RARB: variants seen among roughly 807,000 people sequenced by gnomAD.
The protein encoded by RARB is retinoic acid receptor beta.
Under a neutral mutation model 51.9 loss-of-function variants are expected in RARB, and 17 were observed. The ratio of observed to expected loss-of-function variants is 0.33; its 90% CI spans 0.22 to 0.49. The LOEUF (loss-of-function observed/expected upper bound fraction) is 0.49, where lower values mean the gene tolerates loss of function less well. Among genes scored for constraint, RARB ranks in the 20% least tolerant of loss-of-function variants. The pLI is 0.99. For missense variants in RARB, 369 were observed against 550.8 expected, an observed-to-expected ratio of 0.67 and a Z score of 3.30; for synonymous variants, 215 against 195.4, an observed-to-expected ratio of 1.10 and a Z score of -0.84.
chr3:25,558,274 G>A (rs1377508694), intron 3 of RARB, among the ~76,000 whole-genome samples: 1 of 152,032 alleles, frequency 6.6e-6, no homozygotes, highest in Non-Finnish European at 1.5e-5. Context: ...CATCCTTATT[G>A]CTCTGCTACA....
chr3:25,285,508 A>C (rs1703627757), intron 5 of RARB, among the ~76,000 whole-genome samples: 1 of 152,194 alleles, frequency 6.6e-6, no homozygotes, highest in African/African-American at 2.4e-5. Context: ...CTTTGGCTGC[A>C]GTGTGGAGAA....
At chr3:25,354,865 A>G (rs1268909963) in intron 5 of RARB, among the ~76,000 whole-genome samples, 1 of 144,014 alleles carries the variant, frequency 6.9e-6, no homozygotes, top group Non-Finnish European at 1.5e-5. Context: ...TGAACCACAT[A>G]CATTTGTTTG....
chr3:25,044,837 A>C (rs7618975), intron 2 of RARB, among the ~76,000 whole-genome samples: 60,299 of 152,018 alleles, frequency 0.4, 12,113 homozygotes, highest in South Asian at 0.55. Context: ...GAAGGCCAGT[A>C]CTGGAATCTT....
intron 5 of RARB, among the ~76,000 whole-genome samples, chr3:25,244,947 T>G (rs1477360735): frequency 6.6e-6 from 1 of 152,214 alleles, no homozygotes; most frequent in East Asian, 1.9e-4. Context: ...TCAAAGTCTC[T>G]TTGTAGATCT....
intron 2 of RARB, among the ~76,000 whole-genome samples, chr3:24,983,812 C>T (rs1421582503): frequency 6.6e-6 from 1 of 151,444 alleles, no homozygotes; most frequent in Non-Finnish European, 1.5e-5. Context: ...TTATTAAATG[C>T]AGGGGGGAGA....
At chr3:25,182,011 T>C (rs770776761) in intron 5 of RARB, among the ~76,000 whole-genome samples, 2 of 152,242 alleles carry the variant, frequency 1.3e-5, no homozygotes, top group Non-Finnish European at 2.9e-5. Flanking sequence ...TATTAAAAAT[T>C]ACATTTTTCT....
intron 2 of RARB, among the ~76,000 whole-genome samples, chr3:24,875,157 T>C (rs1703016911): frequency 6.6e-6 from 1 of 151,574 alleles, no homozygotes; most frequent in African/African-American, 2.4e-5. Flanking sequence ...GTCCTTTTGT[T>C]TTTTTCATTT....
At chr3:25,333,640 C>T (rs569848353) in intron 5 of RARB, among the ~76,000 whole-genome samples, 1 of 152,160 alleles carries the variant, frequency 6.6e-6, no homozygotes, top group Admixed American at 6.5e-5. Context: ...GTCTAAAACA[C>T]CAAAAGCAAT....
At chr3:25,513,148 G>A (rs111557483) in intron 3 of RARB, among the ~76,000 whole-genome samples, 1 of 147,444 alleles carries the variant, frequency 6.8e-6, no homozygotes, top group Non-Finnish European at 1.5e-5. Context: ...GTAGCCAGAT[G>A]TGGTGGCATG....
chr3:24,999,654 T>TA (rs1697117218), intron 2 of RARB, among the ~76,000 whole-genome samples: 1 of 152,160 alleles, frequency 6.6e-6, no homozygotes, highest in Admixed American at 6.6e-5. Flanking sequence ...AGGATGCTAT[T>TA]ACCCAGCCCT....
At chr3:24,936,817 T>A (rs1389093790) in intron 2 of RARB, among the ~76,000 whole-genome samples, 1 of 152,200 alleles carries the variant, frequency 6.6e-6, no homozygotes, top group African/African-American at 2.4e-5. Context: ...TTCCTTTCCT[T>A]TTCCATGATT....
chr3:25,261,927 T>C (rs1703007798), intron 5 of RARB, among the ~76,000 whole-genome samples: 1 of 152,174 alleles, frequency 6.6e-6, no homozygotes, highest in South Asian at 2.1e-4. Context: ...ACCTCTTACA[T>C]GGACTTCTTT....
chr3:24,919,273 G>C (rs960239951), intron 2 of RARB, among the ~76,000 whole-genome samples: 2 of 152,116 alleles, frequency 1.3e-5, no homozygotes, highest in Non-Finnish European at 2.9e-5. Flanking sequence ...TCCAAGATTT[G>C]GTATTGAGTT....
In RARB at chr3:25,281,652, C is replaced by T. The variant is rs116117298; in HGVS notation, c.178+107077C>T. ...TCAATTAATTAGAAGCTATTGTAGG[C>T]GTTGGGTGGTTGCCAGGGTTTCTAG... is the stretch of plus-strand genomic sequence containing the variant. On this transcript the variant is annotated intron_variant, in intron 5 of 11. Coordinates refer to the RARB transcript ENST00000383772. Among the ~76,000 whole-genome samples the T allele has an allele frequency of 4.6e-3, 702 of 152,254 alleles. 4 individuals carry two copies. Among genetic ancestry groups the T allele is most frequent in the African/African-American group, 0.015 (638 of 41,540 alleles).
intron 3 of RARB, among the ~76,000 whole-genome samples, chr3:25,521,588 T>G (rs974442296): frequency 2.6e-5 from 4 of 151,558 alleles, no homozygotes; most frequent in Non-Finnish European, 5.9e-5. Context: ...TAGGAAGGAA[T>G]GAATATACAG....
chr3:24,998,091 T>G (rs1215505991), intron 2 of RARB, among the ~76,000 whole-genome samples: 1 of 152,168 alleles, frequency 6.6e-6, no homozygotes, highest in Non-Finnish European at 1.5e-5. Context: ...TTTTACTTGC[T>G]TTTCAAACCT....
At chr3:25,373,130 C>A (rs1368360695) in intron 5 of RARB, among the ~76,000 whole-genome samples, 1 of 152,144 alleles carries the variant, frequency 6.6e-6, no homozygotes, top group Admixed American at 6.6e-5. Flanking sequence ...AGGGAGAAAA[C>A]AGTCAAGCAG....
intron 2 of RARB, among the ~76,000 whole-genome samples, chr3:24,931,779 A>G (rs1198245559): frequency 6.6e-6 from 1 of 151,940 alleles, no homozygotes; most frequent in East Asian, 1.9e-4. Flanking sequence ...TGCCACTGCC[A>G]CAGCAATACA....
intron 1 of RARB, among the ~76,000 whole-genome samples, chr3:24,841,747 T>A (rs771778786): frequency 5.3e-5 from 8 of 152,184 alleles, no homozygotes; most frequent in Non-Finnish European, 1.2e-4. Context: ...ACATATTTCA[T>A]AATTATAAGC....
Sources: allele counts gnomAD v4.1 joint callset (sites outside exome capture counted in the v4.1 genomes callset), GRCh38; gene constraint gnomAD v4.1.1; transcripts MANE v1.5; gene names NCBI Gene and HGNC (gene_info 2026-07-23, HGNC 2026-07-21).